ANO3: variants seen among roughly 807,000 people sequenced by gnomAD.
ANO3 encodes anoctamin 3, also known as anoctamin-3.
ANO3 carries 99 observed loss-of-function variants against 144.8 expected under a neutral mutation model. The observed-to-expected ratio is 0.68, with a 90% confidence interval of 0.58 to 0.81. The LOEUF (loss-of-function observed/expected upper bound fraction) is 0.81, where lower values mean the gene tolerates loss of function less well. ANO3 is among the 30% of genes least tolerant of loss of function. ANO3 has a pLI of 0.00. For synonymous variants in ANO3, 414 were observed against 392.6 expected (o/e 1.05, Z -0.64); for missense variants, 905 against 1,202.2 (o/e 0.75, Z 3.66).
chr11:26,561,127 C>T (rs773270933), intron 14 of ANO3: 2 of 1,612,680 alleles, frequency 1.2e-6, no homozygotes, highest in Non-Finnish European at 1.7e-6. Flanking sequence ...GCATTTTCTT[C>T]ACTTTCTGGC....
intron 1 of ANO3, among the ~76,000 whole-genome samples, chr11:26,239,415 T>C (rs146141839): frequency 1.3e-5 from 2 of 152,246 alleles, no homozygotes; most frequent in East Asian, 3.9e-4. Context: ...CTACTATTTA[T>C]TGTAAATGCC....
intron 5 of ANO3, among the ~76,000 whole-genome samples, chr11:26,510,007 TC>T (rs1381104388): frequency 6.6e-6 from 1 of 151,536 alleles, no homozygotes; most frequent in African/African-American, 2.4e-5. Context: ...GGTGGCGCGT[TC>T]CTGTAGTCCC....
intron 18 of ANO3, among the ~76,000 whole-genome samples, chr11:26,627,337 C>T (rs556146925): frequency 6.6e-6 from 1 of 151,792 alleles, no homozygotes; most frequent in East Asian, 1.9e-4. Flanking sequence ...CATTCTCCTC[C>T]CTCTGCTTGT....
At chr11:26,366,258 C>G (rs1226243204) in intron 1 of ANO3, among the ~76,000 whole-genome samples, 1 of 151,946 alleles carries the variant, frequency 6.6e-6, no homozygotes, top group Non-Finnish European at 1.5e-5. Flanking sequence ...GGTTTTTTGT[C>G]CTTGCGATAG....
chr11:26,534,663 A>G, intron 9 of ANO3, 101 bp downstream of exon 9: 2 of 732,328 alleles, frequency 2.7e-6, no homozygotes, highest in Non-Finnish European at 4.7e-6. Flanking sequence ...AATTCATTAA[A>G]TAGATGTGTA....
At chr11:26,449,543 T>C (rs546301887) in intron 3 of ANO3, among the ~76,000 whole-genome samples, 1 of 150,960 alleles carries the variant, frequency 6.6e-6, no homozygotes, top group South Asian at 2.1e-4. Flanking sequence ...CTTTGGAGAG[T>C]CTGCTATAGA....
chr11:26,597,541 C>T (rs924214750), intron 14 of ANO3, among the ~76,000 whole-genome samples: 4 of 152,110 alleles, frequency 2.6e-5, no homozygotes, highest in Admixed American at 6.5e-5. Context: ...CAGTGGCAAA[C>T]AGCAGTGGTG....
intron 1 of ANO3, among the ~76,000 whole-genome samples, chr11:26,376,848 T>A (rs1350244427): frequency 6.6e-6 from 1 of 152,154 alleles, no homozygotes; most frequent in African/African-American, 2.4e-5. Flanking sequence ...CTGGTATTAT[T>A]TAATTAAATT....
intron 17 of ANO3, among the ~76,000 whole-genome samples, chr11:26,613,078 A>G (rs1852146273): frequency 6.6e-6 from 1 of 152,114 alleles, no homozygotes; most frequent in Admixed American, 6.5e-5. Flanking sequence ...TATCCTGTTA[A>G]ATAGGCTTTC....
intron 1 of ANO3, among the ~76,000 whole-genome samples, chr11:26,420,964 A>G (rs1857733972): frequency 6.6e-6 from 1 of 152,072 alleles, no homozygotes; most frequent in Non-Finnish European, 1.5e-5. Flanking sequence ...AGTGTGTTAT[A>G]TTGCAAAGAG....
chr11:26,208,726 T>G (rs1851869454), intron 1 of ANO3, among the ~76,000 whole-genome samples: 1 of 152,192 alleles, frequency 6.6e-6, no homozygotes, highest in South Asian at 2.1e-4. Flanking sequence ...GAAAATATTT[T>G]TAGCCCTCAT....
intron 1 of ANO3, among the ~76,000 whole-genome samples, chr11:26,204,512 A>G (rs553714770): frequency 6.6e-6 from 1 of 152,128 alleles, no homozygotes; most frequent in Non-Finnish European, 1.5e-5. Context: ...ATTTTCCCTG[A>G]GAATAATTTT....
intron 3 of ANO3, among the ~76,000 whole-genome samples, chr11:26,459,453 A>C (rs1253731160): frequency 6.6e-6 from 1 of 152,080 alleles, no homozygotes; most frequent in African/African-American, 2.4e-5. Context: ...ATTTAAAGAC[A>C]GTTTAGACAG....
At chr11:26,291,234 T>C (rs1853949139) in intron 1 of ANO3, among the ~76,000 whole-genome samples, 1 of 152,156 alleles carries the variant, frequency 6.6e-6, no homozygotes, top group Admixed American at 6.5e-5. Context: ...TTGCAACCCT[T>C]GCTTTTTTTT....
chr11:26,494,028 C>A (rs1177519563), intron 4 of ANO3, among the ~76,000 whole-genome samples: 1 of 152,076 alleles, frequency 6.6e-6, no homozygotes, highest in Non-Finnish European at 1.5e-5. Flanking sequence ...TCAGTAACAA[C>A]TTTTTCTGTG....
intron 11 of ANO3, among the ~76,000 whole-genome samples, chr11:26,544,177 C>T (rs1849716971): frequency 6.8e-6 from 1 of 146,628 alleles, no homozygotes; most frequent in Non-Finnish European, 1.5e-5. Context: ...AAGTTAATGT[C>T]CTCCAGTCTT....
intron 1 of ANO3, among the ~76,000 whole-genome samples, chr11:26,273,888 C>T (rs1853502671): frequency 6.6e-6 from 1 of 152,086 alleles, no homozygotes; most frequent in Non-Finnish European, 1.5e-5. Context: ...GAAAGCAAAT[C>T]ATATATACTA....
intron 1 of ANO3, among the ~76,000 whole-genome samples, chr11:26,320,311 C>A (rs189719711): frequency 2.0e-5 from 3 of 152,116 alleles, no homozygotes; most frequent in South Asian, 2.1e-4. Context: ...CCAAGTCTTG[C>A]GCAAATTCTC....
At chr11:26,287,954 G>T (rs1590235627) in intron 1 of ANO3, 1 of 152,296 alleles carries the variant, frequency 6.6e-6, no homozygotes, top group African/African-American at 2.4e-5. Flanking sequence ...AATAGAAAAT[G>T]CTTACCTCCA....
Sources: allele counts gnomAD v4.1 joint callset (sites outside exome capture counted in the v4.1 genomes callset), GRCh38; gene constraint gnomAD v4.1.1; transcripts MANE v1.5; gene names NCBI Gene and HGNC (gene_info 2026-07-23, HGNC 2026-07-21).